Variants in MACROD2 observed in about 807,000 individuals in gnomAD.
MACROD2 encodes the protein mono-ADP ribosylhydrolase 2.
Under a neutral mutation model 70.4 loss-of-function variants are expected in MACROD2, and 36 were observed. That is an observed-to-expected ratio of 0.51 (90% CI 0.39 to 0.68). The LOEUF is 0.68. Ranked by LOEUF, MACROD2 falls within the 30% of genes least tolerant of loss-of-function variation. MACROD2 has a pLI of 0.00. For missense variants in MACROD2, 496 were observed against 538.4 expected, an observed-to-expected ratio of 0.92 and a Z score of 0.78; for synonymous variants, 172 against 178.8, an observed-to-expected ratio of 0.96 and a Z score of 0.30.
At chr20:14,489,447 G>A (rs999850775) in intron 3 of MACROD2, among the ~76,000 whole-genome samples, 4 of 152,188 alleles carry the variant, frequency 2.6e-5, no homozygotes, top group Non-Finnish European at 5.9e-5. Context: ...TCAAACTCTA[G>A]GGAATATAAT....
intron 8 of MACROD2, among the ~76,000 whole-genome samples, chr20:15,808,144 C>T (rs907796120): frequency 2.0e-5 from 3 of 152,118 alleles, no homozygotes; most frequent in Non-Finnish European, 4.4e-5. Context: ...ATTGCTTACT[C>T]GGGGAGCTCG....
intron 8 of MACROD2, among the ~76,000 whole-genome samples, chr20:15,785,096 G>A (rs1364130230): frequency 6.7e-6 from 1 of 150,126 alleles, no homozygotes; most frequent in Non-Finnish European, 1.5e-5. Flanking sequence ...AGCTTGCGGT[G>A]AGCCGAGTTG....
intron 10 of MACROD2, among the ~76,000 whole-genome samples, chr20:15,930,149 A>T (rs1169300134): frequency 6.6e-6 from 1 of 152,190 alleles, no homozygotes; most frequent in Non-Finnish European, 1.5e-5. Flanking sequence ...TAAGGCTTTT[A>T]AAATCCCTTC....
rs576309033 is a variant in MACROD2, at chr20:14,589,474, G to T, written c.302-95369G>T. Among the ~76,000 whole-genome samples the T allele has an allele frequency of 2.0e-5, 3 of 152,222 alleles. No homozygotes were observed. The South Asian group carries it at 6.2e-4, about 32-fold the overall frequency. ...GAATTCTATTACATTTGGTAGCAAT[G>T]TTGCCATTTATACTTGCTTTTTGTT... is the stretch of plus-strand genomic sequence containing the variant. On this transcript the variant is annotated intron_variant, in intron 4 of 17. Coordinates refer to ENST00000684519, the MANE Select transcript of MACROD2 (RefSeq NM_001351661.2).
intron 12 of MACROD2, among the ~76,000 whole-genome samples, chr20:15,942,515 T>C (rs2065764892): frequency 6.6e-6 from 1 of 152,228 alleles, no homozygotes; most frequent in Non-Finnish European, 1.5e-5. Context: ...CTTTCTCTAC[T>C]GGTTAAAAAT....
At chr20:15,679,705 C>G (rs1568970780) in intron 8 of MACROD2, among the ~76,000 whole-genome samples, 1 of 152,076 alleles carries the variant, frequency 6.6e-6, no homozygotes, top group Non-Finnish European at 1.5e-5. Flanking sequence ...GAAGCAGAGG[C>G]CCTGACATCA....
intron 3 of MACROD2, among the ~76,000 whole-genome samples, chr20:14,257,440 T>A (rs2082066621): frequency 6.6e-6 from 1 of 152,198 alleles, no homozygotes; most frequent in Admixed American, 6.5e-5. Flanking sequence ...AAGGTTTATA[T>A]ATAGTTACCA....
At chr20:14,076,713 T>C (rs2053920547) in intron 2 of MACROD2, among the ~76,000 whole-genome samples, 1 of 151,876 alleles carries the variant, frequency 6.6e-6, no homozygotes, top group African/African-American at 2.4e-5. Flanking sequence ...TACATATAAC[T>C]TTGCTAAGTC....
At chr20:15,083,521 G>A (rs1473408626) in intron 5 of MACROD2, among the ~76,000 whole-genome samples, 5 of 151,924 alleles carry the variant, frequency 3.3e-5, no homozygotes, top group Non-Finnish European at 5.9e-5. Flanking sequence ...CTAGCAGTTT[G>A]TACTCTTGTC....
intron 8 of MACROD2, among the ~76,000 whole-genome samples, chr20:15,588,651 A>G (rs924387611): frequency 6.6e-6 from 1 of 152,160 alleles, no homozygotes; most frequent in African/African-American, 2.4e-5. Context: ...TCTCAAGTTC[A>G]AAGTACCACA....
chr20:15,769,282 G>T (rs575520710), intron 8 of MACROD2, among the ~76,000 whole-genome samples: 235 of 152,242 alleles, frequency 1.5e-3, no homozygotes, highest in African/African-American at 5.4e-3. Flanking sequence ...CGAGTAGCTG[G>T]AATTACAGGC....
chr20:15,735,629 G>A (rs1304278897), intron 8 of MACROD2, among the ~76,000 whole-genome samples: 1 of 152,176 alleles, frequency 6.6e-6, no homozygotes, highest in Admixed American at 6.5e-5. Context: ...ACCAGGATAT[G>A]CCGCTGTGTA....
intron 2 of MACROD2, among the ~76,000 whole-genome samples, chr20:14,065,466 G>C (rs749746120): frequency 6.6e-6 from 1 of 152,172 alleles, no homozygotes; most frequent in African/African-American, 2.4e-5. Context: ...GGCATAATTA[G>C]TGTTTTTACA....
chr20:14,823,772 CTTTT>C (rs1018760399), intron 5 of MACROD2, among the ~76,000 whole-genome samples: 1 of 151,856 alleles, frequency 6.6e-6, no homozygotes, highest in African/African-American at 2.4e-5. Flanking sequence ...TATTTGGTGG[CTTTT>C]TTTGTTTGTT....
intron 3 of MACROD2, among the ~76,000 whole-genome samples, chr20:14,408,518 CAT>C (rs2083714996): frequency 6.6e-6 from 1 of 152,090 alleles, no homozygotes; most frequent in African/African-American, 2.4e-5. Flanking sequence ...ATGTTTTCCA[CAT>C]GTCTTTAAAT....
chr20:14,800,878 G>C (rs747023105), intron 5 of MACROD2, among the ~76,000 whole-genome samples: 15 of 150,934 alleles, frequency 9.9e-5, no homozygotes, highest in Non-Finnish European at 1.9e-4. Context: ...ATTTGACACA[G>C]CTTGGATGGT....
chr20:14,790,547 G>C (rs919106167), intron 5 of MACROD2, among the ~76,000 whole-genome samples: 5 of 152,114 alleles, frequency 3.3e-5, no homozygotes, highest in Non-Finnish European at 5.9e-5. Flanking sequence ...CCAAGGCAGA[G>C]GCATATTGTG....
chr20:15,896,527 T>C (rs1294281536), intron 10 of MACROD2, among the ~76,000 whole-genome samples: 1 of 136,086 alleles, frequency 7.3e-6, no homozygotes, highest in African/African-American at 2.7e-5. Context: ...AGTTTGTTAA[T>C]GTCACAATCT....
At chr20:14,434,518 C>A (rs1343183538) in intron 3 of MACROD2, among the ~76,000 whole-genome samples, 2 of 152,004 alleles carry the variant, frequency 1.3e-5, no homozygotes, top group Admixed American at 1.3e-4. Flanking sequence ...AGTTTAAATT[C>A]TCTCATCCAG....
Sources: gnomAD v4.1 joint callset for allele counts (sites outside exome capture counted in the v4.1 genomes callset) on GRCh38, gnomAD v4.1.1 for gene constraint, MANE v1.5 for transcripts, NCBI Gene and HGNC (gene_info 2026-07-23, HGNC 2026-07-21) for gene names.